The following KDM5A variants were observed in gnomAD, a reference collection of about 807,000 sequenced individuals.
KDM5A encodes the protein lysine-specific demethylase 5A.
KDM5A carries 42 observed loss-of-function variants against 193.5 expected under a neutral mutation model. That is an observed-to-expected ratio of 0.22 (90% CI 0.17 to 0.28). KDM5A has a LOEUF of 0.28. KDM5A is among the 10% of genes least tolerant of loss of function. The pLI, the probability that KDM5A is intolerant of heterozygous loss-of-function variation, is 1.00. For synonymous variants in KDM5A, 796 were observed against 718.1 expected (o/e 1.11, Z -1.73); for missense variants, 1,692 against 2,055.1 (o/e 0.82, Z 3.42).
chr12:330,085 G>GTGTGTGTGTGTGTGTGTATATA (rs377271333), intron 13 of KDM5A, among the ~76,000 whole-genome samples: 1,399 of 139,290 alleles, frequency 0.01, 9 homozygotes, highest in Non-Finnish European at 0.015. Flanking sequence ...GTGTGTGTGT[G>GTGTGTGTGTGTGTGTGTATATA]TATATATATA....
chr12:346,986 G>A (rs140125947), intron 10 of KDM5A, among the ~76,000 whole-genome samples: 1 of 152,312 alleles, frequency 6.6e-6, no homozygotes, highest in African/African-American at 2.4e-5. Flanking sequence ...GTCCCTGTTT[G>A]CAGATGACAT....
chr12:351,381 A>T (rs1944156254), intron 9 of KDM5A, among the ~76,000 whole-genome samples: 1 of 152,152 alleles, frequency 6.6e-6, no homozygotes, highest in Admixed American at 6.6e-5. Context: ...CCTGCAAAGG[A>T]CATGAACTTA....
At chr12:384,211 G>A in intron 2 of KDM5A, 58 bp from the exon 3 acceptor site, 7 of 1,349,864 alleles carry the variant, frequency 5.2e-6, no homozygotes, top group Non-Finnish European at 7.4e-6. Context: ...AAGAATAACA[G>A]AGCAGGGGTC....
rs182214663 is a variant in KDM5A at position 316,383 on chromosome 12, G to C, written c.2897+1723C>G. On this transcript the variant is annotated intron_variant, in intron 19 of 27. Coordinates refer to ENST00000399788, the MANE Select transcript of KDM5A (RefSeq NM_001042603.3). ...ACATAGCATTTAGAAATAGCACCTGGCATGTAGCAGGTTCTCCATCAATAC... is the reference window on the plus strand; with the variant it reads ...ACATAGCATTTAGAAATAGCACCTGCCATGTAGCAGGTTCTCCATCAATAC... Among the ~76,000 whole-genome samples, 620 of 152,182 alleles carry C rather than the reference G, an allele frequency of 4.1e-3. 3 individuals are homozygous for C. The highest frequency in any genetic ancestry group is 0.014 in the African/African-American group (593 of 41,508).
At chr12:388,442 A>G in intron 1 of KDM5A, 1 of 396,892 alleles carries the variant, frequency 2.5e-6, no homozygotes, top group Non-Finnish European at 5.0e-6. Flanking sequence ...CACTGCGGCA[A>G]TAATTAGTCT....
At chr12:345,108 G>A (rs935157884) in intron 10 of KDM5A, among the ~76,000 whole-genome samples, 23 of 151,928 alleles carry the variant, frequency 1.5e-4, no homozygotes, top group Non-Finnish European at 2.8e-4. Context: ...AAAAAAGCAC[G>A]GGTTGCAATC....
chr12:285,519 T>C lies in KDM5A; in HGVS notation c.5010A>G (p.Ala1670=). Residue 1670 remains alanine (A), a synonymous_variant, in exon 28 of 28, where the codon GCA becomes GCG. Transcript: ENST00000399788. The part of the protein sequence containing the change: ...KKQGPVSPGP[A]PPPSFIMSYK... ...AGCTCATTATGAAGGAAGGAGGTGGTGCTGGACCTGGGCTAACTGGCCCCT... is the reference window on the plus strand; with the variant it reads ...AGCTCATTATGAAGGAAGGAGGTGGCGCTGGACCTGGGCTAACTGGCCCCT... 6.2e-7 allele frequency: 1 copy of C among 1,614,074 alleles called. No individual in the cohort carries two copies. The highest frequency in any genetic ancestry group is 8.5e-7 in the Non-Finnish European group (1 of 1,179,952).
rs1943805137 is a variant in KDM5A, at chr12:327,457, C to T, written c.1968+1378G>A. 2.0e-5 allele frequency among the ~76,000 whole-genome samples: 3 copies of T among 152,286 alleles called. No homozygotes were observed. In the South Asian group the frequency reaches 6.2e-4, roughly 32 times the overall value. Reference sequence around the variant, plus strand: ...GGGCACAGTGGTTCACACCTGTAATCCCAACACTTTAGGAGGCCAAGGTGG... The same window carrying T: ...GGGCACAGTGGTTCACACCTGTAATTCCAACACTTTAGGAGGCCAAGGTGG... On this transcript the variant is annotated intron_variant, in intron 14 of 27. Transcript: ENST00000399788.
intron 10 of KDM5A, among the ~76,000 whole-genome samples, chr12:341,803 G>C (rs538458016): frequency 1.3e-5 from 2 of 152,044 alleles, no homozygotes; most frequent in Admixed American, 1.3e-4. Context: ...AGGAGACTGG[G>C]GTAGGAGAAC....
intron 3 of KDM5A, among the ~76,000 whole-genome samples, chr12:379,417 G>A (rs1944548167): frequency 6.6e-6 from 1 of 152,118 alleles, no homozygotes. Context: ...ACCCACTAGA[G>A]TGCTATAAAA....
intron 17 of KDM5A, 139 bp downstream of exon 17, chr12:322,278 G>A (rs1397593667): frequency 3.1e-5 from 22 of 716,426 alleles, no homozygotes; most frequent in Non-Finnish European, 2.7e-5. Flanking sequence ...AGATAAAACT[G>A]GAGCATTACT....
At chr12:378,683 G>T (rs1944538175) in intron 3 of KDM5A, among the ~76,000 whole-genome samples, 1 of 152,190 alleles carries the variant, frequency 6.6e-6, no homozygotes, top group African/African-American at 2.4e-5. Flanking sequence ...ATTCAGCCAG[G>T]CACGGTGGCT....
intron 1 of KDM5A, among the ~76,000 whole-genome samples, 199 bp from the exon 2 acceptor site, chr12:386,173 T>C (rs188950935): frequency 1.3e-5 from 2 of 152,332 alleles, no homozygotes; most frequent in Admixed American, 6.5e-5. Context: ...TCATCTGAAA[T>C]GCTTGGAACC....
At chr12:315,482 G>A (rs890626344) in intron 19 of KDM5A, among the ~76,000 whole-genome samples, 7 of 152,142 alleles carry the variant, frequency 4.6e-5, no homozygotes, top group East Asian at 1.9e-4. Flanking sequence ...CCTGAGGCAC[G>A]AGAATTGCTT....
At chr12:363,489 C>T (rs1431097916) in intron 4 of KDM5A, among the ~76,000 whole-genome samples, 2 of 152,158 alleles carry the variant, frequency 1.3e-5, no homozygotes, top group African/African-American at 4.8e-5. Context: ...TGATCTCCAA[C>T]AATGGTGGTG....
At chr12:384,244 AGTACC>A in intron 2 of KDM5A, 91 bp from the exon 3 acceptor site, 1 of 929,034 alleles carries the variant, frequency 1.1e-6, no homozygotes, top group Non-Finnish European at 1.7e-6. Context: ...GATGTGGACC[AGTACC>A]CATCAGCGGC....
intron 10 of KDM5A, among the ~76,000 whole-genome samples, chr12:349,813 G>A (rs569682415): frequency 4.6e-5 from 7 of 150,754 alleles, no homozygotes; most frequent in Non-Finnish European, 7.4e-5. Flanking sequence ...GTGAGTCATT[G>A]CACTCAGCTT....
intron 13 of KDM5A, among the ~76,000 whole-genome samples, chr12:329,347 T>G (rs1371512356): frequency 6.6e-6 from 1 of 152,156 alleles, no homozygotes; most frequent in Non-Finnish European, 1.5e-5. Flanking sequence ...TTTAGACCAG[T>G]TTAACATGAG....
chr12:293,291 C>A, intron 26 of KDM5A, 122 bp from the exon 27 acceptor site: 1 of 801,390 alleles, frequency 1.2e-6, no homozygotes, highest in Non-Finnish European at 1.9e-6. Context: ...ACAGAGGTTA[C>A]CAGAGGCTGA....
Sources: gnomAD v4.1 joint callset for allele counts (sites outside exome capture counted in the v4.1 genomes callset) on GRCh38, gnomAD v4.1.1 for gene constraint, MANE v1.5 for transcripts, NCBI Gene and HGNC (gene_info 2026-07-23, HGNC 2026-07-21) for gene names.